The following CYP20A1 variants were observed in gnomAD, a reference collection of about 807,000 sequenced individuals.
CYP20A1 encodes the protein cytochrome P450 family 20 subfamily A member 1, also known as cytochrome P450 20A1.
CYP20A1 carries 61 observed loss-of-function variants against 61.4 expected under a neutral mutation model. That is an observed-to-expected ratio of 0.99 (90% CI 0.81 to 1.23). CYP20A1 has a LOEUF of 1.23. Among genes scored for constraint, CYP20A1 ranks in the 50% most tolerant of loss-of-function variants. The pLI, the probability that CYP20A1 is intolerant of heterozygous loss-of-function variation, is 0.00. For missense variants in CYP20A1, 530 were observed against 542.4 expected (o/e 0.98, Z 0.23); for synonymous variants, 193 against 188.2 (o/e 1.03, Z -0.21).
intron 9 of CYP20A1, among the ~76,000 whole-genome samples, chr2:203,287,412 C>T (rs62183910): frequency 0.45 from 67,506 of 151,572 alleles, 16,846 homozygotes; most frequent in Middle Eastern, 0.67. Flanking sequence ...GCCCTTAAGC[C>T]CGTAACAGTT....
chr2:203,255,682 G>A (rs1413049144), intron 4 of CYP20A1, among the ~76,000 whole-genome samples: 1 of 152,120 alleles, frequency 6.6e-6, no homozygotes, highest in Non-Finnish European at 1.5e-5. Context: ...TAGTCTTCAG[G>A]ACTTTTTATG....
rs562167885 is a variant in CYP20A1 at position 203,302,728 on chromosome 2, C to T, written c.*5820C>T. ...TTTGTGTGTGTGTGACAGAGTCTCA[C>T]TGTCACCAGGCTGGAATGCAGTGGC... On this transcript the variant is annotated 3_prime_UTR_variant, in exon 13 of 13. Coordinates refer to ENST00000356079, the MANE Select transcript of CYP20A1 (RefSeq NM_177538.3). 1.3e-5 allele frequency among the ~76,000 whole-genome samples: 2 copies of T among 152,182 alleles called. No homozygotes were observed. The highest frequency in any genetic ancestry group is 4.8e-5 in the African/African-American group (2 of 41,556).
At chr2:203,251,604 T>C (rs2066672185) in intron 3 of CYP20A1, among the ~76,000 whole-genome samples, 1 of 150,366 alleles carries the variant, frequency 6.7e-6, no homozygotes, top group African/African-American at 2.4e-5. Context: ...ACCCCGTCTC[T>C]ACTAGAAGTA....
rs569089094 is a variant in CYP20A1, at chr2:203,290,401, A to G, written c.1083+525A>G. 2.6e-5 allele frequency among the ~76,000 whole-genome samples: 4 copies of G among 152,320 alleles called. No homozygotes were observed. The East Asian group carries it at 7.7e-4, about 29-fold the overall frequency. On this transcript the variant is annotated intron_variant, in intron 10 of 12. Transcript: ENST00000356079. ...AAGGTACTACTGTTAGCAGTTTAGT[A>G]TGTATTTTTATAGACCTATTTCTGT...
chr2:203,292,878 T>G (rs527643752), intron 11 of CYP20A1, among the ~76,000 whole-genome samples: 1 of 152,194 alleles, frequency 6.6e-6, no homozygotes, highest in East Asian at 1.9e-4. Flanking sequence ...ACATCTGTTT[T>G]AAGAAAATTA....
chr2:203,241,111 AAGAG>A (rs554545893), intron 1 of CYP20A1, among the ~76,000 whole-genome samples: 15 of 152,188 alleles, frequency 9.9e-5, no homozygotes, highest in Non-Finnish European at 2.1e-4. Context: ...TGAAATGTGA[AAGAG>A]AGGCATCAAG....
At chr2:203,242,275 C>T (rs550031027) in intron 1 of CYP20A1, among the ~76,000 whole-genome samples, 19 of 152,238 alleles carry the variant, frequency 1.2e-4, no homozygotes, top group Middle Eastern at 3.4e-3. Flanking sequence ...CATGAGCCAC[C>T]GCAACATTTG....
chr2:203,292,375 C>A, intron 11 of CYP20A1, 49 bp downstream of exon 11: 1 of 1,370,894 alleles, frequency 7.3e-7, no homozygotes, highest in Non-Finnish European at 1.0e-6. Context: ...TTTGTGTTTG[C>A]ACGTTTTGCA....
chr2:203,289,963 A>G (rs10170454), intron 10 of CYP20A1, 87 bp downstream of exon 10: 462,276 of 496,234 alleles, frequency 0.93, 216,689 homozygotes, highest in Non-Finnish European at 0.96. Flanking sequence ...TATTTTAGAC[A>G]GAGGTTTGCT....
intron 5 of CYP20A1, among the ~76,000 whole-genome samples, chr2:203,271,067 TATATATATATA>T (rs1283872471): frequency 1.6e-5 from 1 of 64,472 alleles, no homozygotes; most frequent in Non-Finnish European, 3.5e-5. Context: ...TATATATATA[TATATATATATA>T]TATATTTTTT....
intron 4 of CYP20A1, among the ~76,000 whole-genome samples, chr2:203,260,443 A>C (rs2067092113): frequency 6.6e-6 from 1 of 151,884 alleles, no homozygotes; most frequent in Non-Finnish European, 1.5e-5. Context: ...GCTGGTCTTG[A>C]ACTCCTGACC....
At chr2:203,288,083 TC>T (rs2068370275) in intron 9 of CYP20A1, among the ~76,000 whole-genome samples, 1 of 134,144 alleles carries the variant, frequency 7.5e-6, no homozygotes, top group African/African-American at 2.9e-5. Flanking sequence ...TTTTTTTTTT[TC>T]AGATGCAGTC....
At chr2:203,243,938 C>A (rs1052200428) in intron 1 of CYP20A1, among the ~76,000 whole-genome samples, 5 of 152,152 alleles carry the variant, frequency 3.3e-5, no homozygotes, top group African/African-American at 9.7e-5. Context: ...GATCGTCCTG[C>A]CTTGGCCTCC....
intron 6 of CYP20A1, 59 bp downstream of exon 6, chr2:203,272,807 TAA>T: frequency 9.8e-7 from 1 of 1,018,296 alleles, no homozygotes; most frequent in Admixed American, 2.3e-5. Context: ...CCAGTTTTAA[TAA>T]AGTAATCTCT....
chr2:203,302,114 T>C lies in CYP20A1; in HGVS notation c.*5206T>C, dbSNP rs1291506583. Among the ~76,000 whole-genome samples the C allele has an allele frequency of 6.6e-6, 1 of 152,004 alleles. No homozygotes were observed. Among genetic ancestry groups the C allele is most frequent in the African/African-American group, 2.4e-5 (1 of 41,392 alleles). Reference sequence around the variant, plus strand: ...CTAATTTTTGTGTTTTTAGTACAGATGGGGTTTCACCATGTTGGCCAGGCT... The same window carrying C: ...CTAATTTTTGTGTTTTTAGTACAGACGGGGTTTCACCATGTTGGCCAGGCT... On this transcript the variant is annotated 3_prime_UTR_variant, in exon 13 of 13. Coordinates refer to ENST00000356079, the MANE Select transcript of CYP20A1 (RefSeq NM_177538.3).
chr2:203,245,621 G>A (rs1028261585), intron 1 of CYP20A1, among the ~76,000 whole-genome samples: 6 of 152,032 alleles, frequency 3.9e-5, no homozygotes, highest in Non-Finnish European at 5.9e-5. Context: ...GTGTTAGTTT[G>A]CTAAAGAAAA....
intron 1 of CYP20A1, among the ~76,000 whole-genome samples, chr2:203,240,930 T>A (rs2066232913): frequency 6.6e-6 from 1 of 152,228 alleles, no homozygotes; most frequent in Non-Finnish European, 1.5e-5. Context: ...AAAGAATCAT[T>A]GTGGTTGCTA....
rs142789807 is a variant in CYP20A1, at chr2:203,272,728, G to A, written c.659G>A (p.Arg220Gln). The A allele has an allele frequency of 4.9e-5, 79 of 1,600,492 alleles. No individual in the cohort carries two copies. The African/African-American group carries it at 8.1e-4, about 16-fold the overall frequency. ...GGGTCACTTGATAAAAACATGACTC[G>A]GAAAAAACAATATGAAGATGGTAAG... ...LDGSLDKNMT[R>Q]KKQYEDALMQ... The change falls in exon 6 of 13, where the codon CGG (arginine) becomes CAG (glutamine). Residue 220 changes from arginine to glutamine, a missense_variant. By Grantham distance (43) the Arg-to-Gln change is conservative. Transcript: ENST00000356079.
In CYP20A1 at chr2:203,271,082, ATT is replaced by A. The variant is rs1161241853; in HGVS notation, c.601-1566_601-1565del. Among the ~76,000 whole-genome samples, 180 of 31,544 alleles carry A rather than the reference ATT, an allele frequency of 5.7e-3. 1 individual carries two copies. Among genetic ancestry groups the A allele is most frequent in the African/African-American group, 0.013 (126 of 9,518 alleles). 20.7% of individuals were successfully genotyped at this position (31,544 alleles called of 152,430 possible). On this transcript the variant is annotated intron_variant, in intron 5 of 12. Coordinates refer to ENST00000356079, the MANE Select transcript of CYP20A1 (RefSeq NM_177538.3). ...TATATATATATATATATATATATAT[ATT>A]TTTTTTTTTTTTTTTTTTTTTGAGA...
Sources: gnomAD v4.1 joint callset for allele counts (sites outside exome capture counted in the v4.1 genomes callset) on GRCh38, gnomAD v4.1.1 for gene constraint, MANE v1.5 for transcripts, NCBI Gene and HGNC (gene_info 2026-07-23, HGNC 2026-07-21) for gene names.